MAPK10: variants seen among roughly 807,000 people sequenced by gnomAD.
MAPK10 encodes mitogen-activated protein kinase 10, also known as JNK3 alpha protein kinase.
In MAPK10, 25 loss-of-function variants were observed where a neutral mutation model predicts 59.3. The ratio of observed to expected loss-of-function variants is 0.42; its 90% confidence interval spans 0.31 to 0.59. The LOEUF (loss-of-function observed/expected upper bound fraction) is 0.59, where lower values mean the gene tolerates loss of function less well. Ranked by LOEUF, MAPK10 falls within the 20% of genes least tolerant of loss-of-function variation. MAPK10 has a pLI of 0.15. For missense variants in MAPK10, 351 were observed against 568.9 expected (o/e 0.62, Z 3.90); for synonymous variants, 190 against 200.5 (o/e 0.95, Z 0.44).
At chr4:86,185,610 G>A (rs1039517799) in intron 3 of MAPK10, among the ~76,000 whole-genome samples, 1 of 152,090 alleles carries the variant, frequency 6.6e-6, no homozygotes, top group African/African-American at 2.4e-5. Flanking sequence ...TAAACCACTT[G>A]GGGGTGGGCA....
rs181293494 is a variant in MAPK10 at position 86,046,501 on chromosome 4, T to A, written c.1111-15070A>T. 2.8e-4 allele frequency among the ~76,000 whole-genome samples: 42 copies of A among 150,984 alleles called. 1 individual carries two copies. In the East Asian group the frequency reaches 3.4e-3, roughly 12 times the overall value. Reference sequence around the variant, plus strand: ...GGCTGAGACAATGGGGTTTTCTAGATATACAATTGAAAATCTAGAAGAAAT... The same window carrying A: ...GGCTGAGACAATGGGGTTTTCTAGAAATACAATTGAAAATCTAGAAGAAAT... On this transcript the variant is annotated intron_variant, in intron 11 of 13. Transcript: ENST00000641462.
chr4:86,182,348 G>A (rs181511039), intron 3 of MAPK10, among the ~76,000 whole-genome samples: 6 of 152,096 alleles, frequency 3.9e-5, no homozygotes, highest in East Asian at 3.9e-4. Context: ...TTCATTTTCC[G>A]TATTTCTCTG....
chr4:86,298,047 C>T (rs1046196302), intron 2 of MAPK10, among the ~76,000 whole-genome samples: 46 of 152,180 alleles, frequency 3.0e-4, no homozygotes, highest in Non-Finnish European at 6.0e-4. Context: ...ATCTGCCTGA[C>T]GTGCTGCTCC....
chr4:86,272,236 G>A (rs1342822400), intron 2 of MAPK10, among the ~76,000 whole-genome samples: 1 of 151,958 alleles, frequency 6.6e-6, no homozygotes, highest in Non-Finnish European at 1.5e-5. Context: ...CAAGTCCTTT[G>A]TCAAATTCTG....
Position 86,171,045 on chromosome 4 carries a change from T to C in MAPK10, c.67-11578A>G, listed in dbSNP as rs987273339. 3 of 152,000 alleles carry C rather than the reference T, an allele frequency of 2.0e-5. No individual in the cohort carries two copies. In the South Asian group the frequency reaches 6.2e-4, roughly 32 times the overall value. 9.4% of individuals were successfully genotyped at this position (152,000 alleles called of 1,614,324 possible). A position where few individuals can be genotyped will look rare whatever the true frequency, so the allele number is the denominator to read the frequency against. Reference sequence around the variant, plus strand: ...AACCAACGAGAACAAAGACACAACATACCGGAATCTCTGGGACTCATTCGA... The same window carrying C: ...AACCAACGAGAACAAAGACACAACACACCGGAATCTCTGGGACTCATTCGA... On this transcript the variant is annotated intron_variant, in intron 3 of 13. Transcript: ENST00000641462.
At chr4:86,194,460 T>C (rs1394399493) in intron 2 of MAPK10, 53 bp from the exon 3 acceptor site, 10 of 1,009,798 alleles carry the variant, frequency 9.9e-6, no homozygotes, top group South Asian at 3.8e-5. Context: ...TTTTTCATTA[T>C]ATAACAATAT....
intron 2 of MAPK10, among the ~76,000 whole-genome samples, chr4:86,339,643 T>C (rs1168114245): frequency 2.0e-5 from 3 of 152,326 alleles, no homozygotes; most frequent in Non-Finnish European, 4.4e-5. Context: ...TGTAGGACCT[T>C]GGAAATGTTG....
At chr4:86,516,903 T>C (rs1297342492) in intron 1 of MAPK10, among the ~76,000 whole-genome samples, 1 of 152,216 alleles carries the variant, frequency 6.6e-6, no homozygotes, top group Non-Finnish European at 1.5e-5. Flanking sequence ...ATGCTTTTAT[T>C]TCTTTCTTTT....
At chr4:86,446,842 T>C (rs1750108456) in intron 1 of MAPK10, among the ~76,000 whole-genome samples, 1 of 152,206 alleles carries the variant, frequency 6.6e-6, no homozygotes, top group Admixed American at 6.5e-5. Context: ...TCTCCTGAAC[T>C]TCTTCTTCTT....
At chr4:86,384,946 A>G (rs1741271667) in intron 1 of MAPK10, among the ~76,000 whole-genome samples, 1 of 152,172 alleles carries the variant, frequency 6.6e-6, no homozygotes, top group Non-Finnish European at 1.5e-5. Flanking sequence ...AATATAATAT[A>G]TCTAAACAGA....
At chr4:86,132,139 A>G (rs752347677) in intron 4 of MAPK10, among the ~76,000 whole-genome samples, 1 of 152,218 alleles carries the variant, frequency 6.6e-6, no homozygotes, top group African/African-American at 2.4e-5. Flanking sequence ...AAAGGTCTCA[A>G]TGAGTTAATA....
At chr4:86,390,481 A>G (rs1223020764) in intron 1 of MAPK10, among the ~76,000 whole-genome samples, 1 of 152,168 alleles carries the variant, frequency 6.6e-6, no homozygotes, top group Non-Finnish European at 1.5e-5. Flanking sequence ...TGCTACCTCT[A>G]CTTTGAGCTA....
chr4:86,121,820 T>C (rs58137716), intron 4 of MAPK10, among the ~76,000 whole-genome samples: 7,489 of 152,206 alleles, frequency 0.049, 617 homozygotes, highest in African/African-American at 0.17. Flanking sequence ...TGAACTTATT[T>C]CTCCTGTCAA....
At chr4:86,360,349 A>C (rs1215322811), upstream of MAPK10, 1 of 222,218 alleles carries the variant, frequency 4.5e-6, no homozygotes, top group East Asian at 1.8e-4. Context: ...GGCCCTTTGC[A>C]CAGCAGCACG....
intron 1 of MAPK10, among the ~76,000 whole-genome samples, chr4:86,583,117 T>G (rs1762417251): frequency 6.6e-6 from 1 of 152,102 alleles, no homozygotes; most frequent in Non-Finnish European, 1.5e-5. Flanking sequence ...TGTAGTACAG[T>G]ACCTAAAGTA....
intron 9 of MAPK10, among the ~76,000 whole-genome samples, chr4:86,074,451 G>T (rs1226172587): frequency 8.6e-5 from 13 of 150,724 alleles, no homozygotes; most frequent in African/African-American, 2.9e-4. Context: ...GTTAGCTGGT[G>T]ATTTTGCTCG....
At chr4:86,363,034 A>T (rs1737258333), upstream of MAPK10, among the ~76,000 whole-genome samples, 1 of 152,204 alleles carries the variant, frequency 6.6e-6, no homozygotes, top group Non-Finnish European at 1.5e-5. Context: ...AAAAGCAGGA[A>T]CAACTCCAAA....
chr4:86,296,510 T>C (rs546410723), intron 2 of MAPK10, among the ~76,000 whole-genome samples: 2 of 152,312 alleles, frequency 1.3e-5, no homozygotes, highest in African/African-American at 2.4e-5. Flanking sequence ...AACCAGCAGA[T>C]AGAAGTAGGA....
At chr4:86,050,812 T>G (rs116686249) in intron 11 of MAPK10, among the ~76,000 whole-genome samples, 4,005 of 152,230 alleles carry the variant, frequency 0.026, 176 homozygotes, top group African/African-American at 0.092. Flanking sequence ...TGCTGTACTA[T>G]GAAAACAGCA....
Sources: gnomAD v4.1 joint callset for allele counts (sites outside exome capture counted in the v4.1 genomes callset) on GRCh38, gnomAD v4.1.1 for gene constraint, MANE v1.5 for transcripts, NCBI Gene and HGNC (gene_info 2026-07-23, HGNC 2026-07-21) for gene names.